Variants in RIMKLB observed in about 807,000 individuals in gnomAD.
RIMKLB encodes ribosomal modification protein rimK like family member B.
RIMKLB carries 7 observed loss-of-function variants against 32.0 expected under a neutral mutation model. That is an observed-to-expected ratio of 0.22 (90% CI 0.12 to 0.41). RIMKLB has a LOEUF of 0.41. RIMKLB is among the 10% of genes least tolerant of loss of function. The pLI, the probability that RIMKLB is intolerant of heterozygous loss-of-function variation, is 1.00. For synonymous variants in RIMKLB, 172 were observed against 185.1 expected, an observed-to-expected ratio of 0.93 and a Z score of 0.57; for missense variants, 289 against 498.7, an observed-to-expected ratio of 0.58 and a Z score of 4.00.
chr12:8,729,420 C>T (rs751795738), intron 2 of RIMKLB, among the ~76,000 whole-genome samples: 6 of 151,934 alleles, frequency 3.9e-5, no homozygotes, highest in African/African-American at 7.3e-5. Flanking sequence ...GCTGCGCTCT[C>T]GAGCTGTCCC....
rs1157484475 is a variant in RIMKLB at position 8,736,517 on chromosome 12, CTTT to C, written c.176-13328_176-13326del. Among the ~76,000 whole-genome samples, 133 of 126,742 alleles carry C rather than the reference CTTT, an allele frequency of 1.0e-3. 1 individual carries two copies. In the East Asian group the frequency reaches 0.016, roughly 16 times the overall value. The allele number at this position is 126,742 out of a possible 152,430, so 83.1% of individuals were successfully genotyped here. A position where few individuals can be genotyped will look rare whatever the true frequency, so the allele number is the denominator to read the frequency against. On this transcript the variant is annotated intron_variant, in intron 2 of 5. Transcript: ENST00000535829. ...CCCCAAATTCTTAAGCATGTATTTC[CTTT>C]TTTTTTTTTTTTTTTTGACGGGTCT...
At chr12:8,712,530 A>T (rs1334943173) in intron 1 of RIMKLB, among the ~76,000 whole-genome samples, 2 of 152,342 alleles carry the variant, frequency 1.3e-5, no homozygotes, top group Non-Finnish European at 2.9e-5. Context: ...CTGAGTTACT[A>T]CCATAATCCA....
upstream of RIMKLB, chr12:8,679,061 G>A (rs74059953): frequency 0.025 from 3,830 of 155,092 alleles, 157 homozygotes; most frequent in African/African-American, 0.084. Flanking sequence ...ACCTTGGGAT[G>A]GCCAGCCAGA....
intron 2 of RIMKLB, among the ~76,000 whole-genome samples, chr12:8,717,241 A>G (rs1944952043): frequency 6.6e-6 from 1 of 152,140 alleles, no homozygotes; most frequent in African/African-American, 2.4e-5. Flanking sequence ...TGCATAATAC[A>G]GTGAAAATAC....
At chr12:8,698,596 A>G (rs1056176757) in intron 1 of RIMKLB, among the ~76,000 whole-genome samples, 1 of 151,994 alleles carries the variant, frequency 6.6e-6, no homozygotes, top group South Asian at 2.1e-4. Context: ...TCGGGCGTGT[A>G]AGGAGTATGG....
intron 4 of RIMKLB, among the ~76,000 whole-genome samples, chr12:8,753,492 G>A (rs1280341524): frequency 9.9e-5 from 15 of 152,116 alleles, no homozygotes; most frequent in Admixed American, 8.5e-4. Context: ...GTAACATACT[G>A]CTATATTACT....
At chr12:8,736,272 C>A (rs1160314431) in intron 2 of RIMKLB, among the ~76,000 whole-genome samples, 1 of 152,132 alleles carries the variant, frequency 6.6e-6, no homozygotes, top group African/African-American at 2.4e-5. Flanking sequence ...TAATTTCTTT[C>A]TCCAAGCAGT....
chr12:8,704,715 C>T (rs890183431), intron 1 of RIMKLB, among the ~76,000 whole-genome samples: 1 of 152,088 alleles, frequency 6.6e-6, no homozygotes, highest in Non-Finnish European at 1.5e-5. Flanking sequence ...TGAGCCATGG[C>T]TCATGCCTGT....
At chr12:8,759,564 G>C (rs1591945525) in intron 5 of RIMKLB, among the ~76,000 whole-genome samples, 1 of 152,020 alleles carries the variant, frequency 6.6e-6, no homozygotes, top group Non-Finnish European at 1.5e-5. Flanking sequence ...TTGGTCATTT[G>C]TATTTACTTG....
chr12:8,722,254 C>T (rs181320368), intron 2 of RIMKLB, among the ~76,000 whole-genome samples: 25 of 151,586 alleles, frequency 1.6e-4, no homozygotes, highest in African/African-American at 5.8e-4. Context: ...GATCCATGGG[C>T]TTGCAGAGTC....
At chr12:8,737,961 G>T (rs900248573) in intron 2 of RIMKLB, among the ~76,000 whole-genome samples, 2 of 152,154 alleles carry the variant, frequency 1.3e-5, no homozygotes, top group African/African-American at 4.8e-5. Flanking sequence ...TGATCCGCCT[G>T]CCTCGGCCTC....
In RIMKLB at chr12:8,717,215, A is replaced by G. The variant is rs770999801; in HGVS notation, c.175+3174A>G. On this transcript the variant is annotated intron_variant, in intron 2 of 5. Coordinates refer to ENST00000535829, the MANE Select transcript of RIMKLB (RefSeq NM_001297776.2). Reference sequence around the variant, plus strand: ...CAAATTGGGATAAGGGAAATGTTCTAAAATTGTGGCTATTTTGCATAATAC... The same window carrying G: ...CAAATTGGGATAAGGGAAATGTTCTGAAATTGTGGCTATTTTGCATAATAC... 3.9e-5 allele frequency among the ~76,000 whole-genome samples: 6 copies of G among 152,252 alleles called. No individual in the cohort carries two copies. In the East Asian group the frequency reaches 1.2e-3, roughly 29 times the overall value.
intron 1 of RIMKLB, among the ~76,000 whole-genome samples, chr12:8,712,625 G>C (rs1004590937): frequency 2.0e-5 from 3 of 152,108 alleles, no homozygotes; most frequent in African/African-American, 7.2e-5. Flanking sequence ...GAGAGAGGTA[G>C]GTGGTCAAGT....
chr12:8,736,906 C>T (rs772820008), intron 2 of RIMKLB, among the ~76,000 whole-genome samples: 2 of 152,192 alleles, frequency 1.3e-5, no homozygotes, highest in Non-Finnish European at 2.9e-5. Context: ...CTGCCTCCCG[C>T]GTTCAGGCAG....
intron 5 of RIMKLB, among the ~76,000 whole-genome samples, chr12:8,768,094 C>A (rs1240069228): frequency 6.6e-6 from 1 of 152,062 alleles, no homozygotes; most frequent in Non-Finnish European, 1.5e-5. Flanking sequence ...AATCTTGGGC[C>A]ATGTGGTGAG....
At chr12:8,781,120 C>CACCTGAGGT (rs1171414985), downstream of RIMKLB, among the ~76,000 whole-genome samples, 2 of 152,216 alleles carry the variant, frequency 1.3e-5, no homozygotes, top group Non-Finnish European at 2.9e-5. Context: ...GAGAGTGGAT[C>CACCTGAGGT]ACCTGAGGTC....
upstream of RIMKLB, among the ~76,000 whole-genome samples, chr12:8,695,915 A>G (rs771958001): frequency 5.3e-5 from 8 of 150,866 alleles, no homozygotes; most frequent in South Asian, 1.5e-3. Flanking sequence ...CTGGTCCAAA[A>G]CTCCCGACCT....
intron 2 of RIMKLB, among the ~76,000 whole-genome samples, chr12:8,745,139 C>T (rs766624492): frequency 1.3e-5 from 2 of 151,728 alleles, no homozygotes; most frequent in African/African-American, 2.4e-5. Context: ...TTAGTAGAGA[C>T]GGGTTTTGCC....
At chr12:8,782,895 G>A (rs997827805) in intron 7 of RIMKLB, 1 of 152,104 alleles carries the variant, frequency 6.6e-6, no homozygotes, top group Admixed American at 6.5e-5. Context: ...TAAATAAGTT[G>A]TGTTTTTCCC....
Sources: gnomAD v4.1 joint callset for allele counts (sites outside exome capture counted in the v4.1 genomes callset) on GRCh38, gnomAD v4.1.1 for gene constraint, MANE v1.5 for transcripts, NCBI Gene and HGNC (gene_info 2026-07-23, HGNC 2026-07-21) for gene names.